INSC: variants seen among roughly 807,000 people sequenced by gnomAD.
The protein encoded by INSC is INSC spindle orientation adaptor protein.
INSC carries 67 observed loss-of-function variants against 58.6 expected under a neutral mutation model. That is an observed-to-expected ratio of 1.14 (90% confidence interval 0.94 to 1.40). The LOEUF is 1.40. INSC is among the 40% of genes most tolerant of loss of function. INSC has a pLI of 0.00. For synonymous variants in INSC, 262 were observed against 276.1 expected, an observed-to-expected ratio of 0.95 and a Z score of 0.51; for missense variants, 714 against 692.0, an observed-to-expected ratio of 1.03 and a Z score of -0.36.
At chr11:15,208,463 G>T (rs55936803) in intron 7 of INSC, among the ~76,000 whole-genome samples, 3 of 152,202 alleles carry the variant, frequency 2.0e-5, no homozygotes, top group Non-Finnish European at 4.4e-5. Flanking sequence ...CAGAGGGACT[G>T]TGGCTTGTTC....
At chr11:15,207,735 A>C (rs1850862560) in intron 7 of INSC, among the ~76,000 whole-genome samples, 1 of 152,260 alleles carries the variant, frequency 6.6e-6, no homozygotes, top group Admixed American at 6.5e-5. Flanking sequence ...GCAGATGGTC[A>C]TAAATAGTTA....
intron 6 of INSC, 22 bp from the exon 7 acceptor site, chr11:15,200,802 T>G: frequency 6.2e-7 from 1 of 1,614,000 alleles, no homozygotes; most frequent in South Asian, 1.1e-5. Flanking sequence ...TAAGATGATG[T>G]GACATTTCTT....
chr11:15,244,713 T>A (rs974540085), intron 12 of INSC, among the ~76,000 whole-genome samples: 1 of 152,168 alleles, frequency 6.6e-6, no homozygotes, highest in African/African-American at 2.4e-5. Context: ...AGGGATTAAG[T>A]GAGGTGCTAT....
chr11:15,180,987 G>A (rs546211609), intron 5 of INSC, among the ~76,000 whole-genome samples: 69 of 152,298 alleles, frequency 4.5e-4, no homozygotes, highest in Middle Eastern at 3.4e-3. Flanking sequence ...TCTTAAACTA[G>A]TGACTCAAAT....
chr11:15,180,270 C>T (rs1186986755), intron 5 of INSC, among the ~76,000 whole-genome samples: 1 of 151,346 alleles, frequency 6.6e-6, no homozygotes, highest in Non-Finnish European at 1.5e-5. Flanking sequence ...AAAAAACAAA[C>T]AAAACAAAAC....
rs1564924213 is a variant in INSC, at chr11:15,240,476, T to TC, written c.1427dup (p.Ser477IlefsTer7). On this transcript the variant is annotated frameshift_variant, in exon 12 of 13. Coordinates refer to ENST00000379556, the MANE Select transcript of INSC (RefSeq NM_001042536.3). LOFTEE classifies it high-confidence loss of function. ...GTCCCGTCTCATCGAGCTCTGCAGA[T>TC]CCCCATCAGAGAGGAACAGCAGTGA... 1 of 1,613,928 alleles carries TC rather than the reference T, an allele frequency of 6.2e-7. No individual in the cohort carries two copies. Among genetic ancestry groups the TC allele is most frequent in the East Asian group, 2.2e-5 (1 of 44,838 alleles).
intron 1 of INSC, among the ~76,000 whole-genome samples, chr11:15,136,924 C>T (rs1403128173): frequency 6.6e-6 from 1 of 152,020 alleles, no homozygotes; most frequent in African/African-American, 2.4e-5. Flanking sequence ...TTTATTATGC[C>T]CAAATCCATC....
intron 9 of INSC, among the ~76,000 whole-genome samples, chr11:15,227,122 T>C (rs1851671359): frequency 1.3e-5 from 2 of 152,216 alleles, no homozygotes; most frequent in African/African-American, 2.4e-5. Flanking sequence ...GTCCCCAAAA[T>C]TAAATGGTTG....
In INSC at chr11:15,225,749, T is replaced by C. The variant is rs1468152589; in HGVS notation, c.1091T>C (p.Leu364Pro). The stretch of plus-strand genomic sequence containing the variant: ...GACACAATGGCCTGCGAGATGCTCC[T>C]GCAGTTGAATGCCATCCGTGTTCTC... ...FFDTMACEML[L>P]QLNAIRVLLE... is the part of the protein sequence containing the mutation. Residue 364 changes from leucine (L) to proline (P), a missense_variant, in exon 9 of 13, where the codon CTG becomes CCG. By Grantham distance (98) the Leu-to-Pro change is moderately conservative. Coordinates refer to ENST00000379556, the MANE Select transcript of INSC (RefSeq NM_001042536.3). 4 of 1,614,006 alleles carry C rather than the reference T, an allele frequency of 2.5e-6. No homozygotes were observed. In the African/African-American group the frequency reaches 5.3e-5, roughly 22 times the overall value.
chr11:15,188,078 TC>T (rs1850037545), intron 5 of INSC: 2 of 564,434 alleles, frequency 3.5e-6, no homozygotes, highest in Non-Finnish European at 2.2e-6. Context: ...GTTTGAGGAG[TC>T]CCCTGTCCCA....
At chr11:15,182,493 T>G (rs1011161565) in intron 5 of INSC, among the ~76,000 whole-genome samples, 1 of 152,254 alleles carries the variant, frequency 6.6e-6, no homozygotes, top group African/African-American at 2.4e-5. Context: ...TCCTTTCTCA[T>G]TGACGGGCAT....
chr11:15,155,431 G>A (rs890220922), intron 2 of INSC, among the ~76,000 whole-genome samples: 1 of 152,192 alleles, frequency 6.6e-6, no homozygotes, highest in South Asian at 2.1e-4. Context: ...ATCCATAATG[G>A]TTTGTTTACA....
At chr11:15,235,739 G>T (rs908674061) in intron 10 of INSC, 71 bp downstream of exon 10, 68 of 1,251,732 alleles carry the variant, frequency 5.4e-5, no homozygotes, top group Non-Finnish European at 7.0e-5. Context: ...TTGTGCTTGT[G>T]TGAATGCCTG....
At chr11:15,204,853 T>G (rs2133892344) in intron 7 of INSC, among the ~76,000 whole-genome samples, 1 of 152,344 alleles carries the variant, frequency 6.6e-6, no homozygotes. Context: ...TCGTCTCTGT[T>G]GTGCAGCTTC....
At chr11:15,136,229 A>G (rs1848241475) in intron 1 of INSC, among the ~76,000 whole-genome samples, 1 of 152,214 alleles carries the variant, frequency 6.6e-6, no homozygotes, top group African/African-American at 2.4e-5. Flanking sequence ...CTATGTCTAA[A>G]AACAATGTAC....
At chr11:15,222,113 A>AT (rs759810006) in intron 8 of INSC, among the ~76,000 whole-genome samples, 2 of 152,140 alleles carry the variant, frequency 1.3e-5, no homozygotes, top group African/African-American at 2.4e-5. Context: ...AAATCCCACC[A>AT]TTGGCCTCAT....
At chr11:15,156,507 TCA>T (rs1284293684) in intron 2 of INSC, among the ~76,000 whole-genome samples, 1 of 152,194 alleles carries the variant, frequency 6.6e-6, no homozygotes, top group Non-Finnish European at 1.5e-5. Flanking sequence ...CTACCAAATC[TCA>T]GTTCTGGGAA....
the INSC span, among the ~76,000 whole-genome samples, chr11:15,269,564 C>A: frequency 6.6e-6 from 1 of 151,590 alleles, no homozygotes; most frequent in African/African-American, 2.4e-5. Context: ...CACAGACTTA[C>A]ATGGAAATTT....
chr11:15,229,878 C>A (rs765212270), intron 9 of INSC, among the ~76,000 whole-genome samples: 18 of 139,962 alleles, frequency 1.3e-4, no homozygotes, highest in Non-Finnish European at 2.6e-4. Flanking sequence ...GGCAACGTGG[C>A]AAAATCCTAT....
Sources: allele counts gnomAD v4.1 joint callset (sites outside exome capture counted in the v4.1 genomes callset), GRCh38; gene constraint gnomAD v4.1.1; transcripts MANE v1.5; gene names NCBI Gene and HGNC (gene_info 2026-07-23, HGNC 2026-07-21).